The following KCNIP4 variants were observed in gnomAD, a reference collection of about 807,000 sequenced individuals.
The protein encoded by KCNIP4 is Kv channel-interacting protein 4.
A neutral mutation model predicts 34.0 loss-of-function variants in KCNIP4; 12 were observed. The ratio of observed to expected loss-of-function variants is 0.35; its 90% CI spans 0.23 to 0.57. The LOEUF is 0.57. Ranked by LOEUF, KCNIP4 falls within the 20% of genes least tolerant of loss-of-function variation. The probability of loss-of-function intolerance (pLI) is 0.83; values close to 1 mark genes in which losing one functional copy is unlikely to be tolerated. For synonymous variants in KCNIP4, 124 were observed against 102.2 expected (o/e 1.21, Z -1.29); for missense variants, 238 against 311.7 (o/e 0.76, Z 1.78).
rs968845181 is a variant in KCNIP4 at position 21,657,880 on chromosome 4, G to T, written c.61+290691C>A. On this transcript the variant is annotated intron_variant, in intron 1 of 8. Transcript: ENST00000382152. ...TTTTGAGACGGAGTCTCGCTTTGTCGCCAGGCTGCAGTGCAGTGGAACGAT... is the reference window on the plus strand; with the variant it reads ...TTTTGAGACGGAGTCTCGCTTTGTCTCCAGGCTGCAGTGCAGTGGAACGAT... Among the ~76,000 whole-genome samples the T allele has an allele frequency of 3.4e-5, 5 of 148,912 alleles. No individual in the cohort carries two copies. The South Asian group carries it at 8.4e-4, about 25-fold the overall frequency.
intron 1 of KCNIP4, among the ~76,000 whole-genome samples, chr4:21,425,372 A>T (rs1725842986): frequency 6.6e-6 from 1 of 152,114 alleles, no homozygotes; most frequent in Non-Finnish European, 1.5e-5. Context: ...CGATAATAAC[A>T]CTATAGTATT....
intron 1 of KCNIP4, among the ~76,000 whole-genome samples, chr4:21,216,842 G>A (rs1220069622): frequency 1.1e-4 from 17 of 152,132 alleles, no homozygotes; most frequent in Admixed American, 1.1e-3. Flanking sequence ...TCATGAAGAA[G>A]GCTTCATGCA....
chr4:21,599,151 T>C (rs923526492), intron 1 of KCNIP4, among the ~76,000 whole-genome samples: 3 of 152,114 alleles, frequency 2.0e-5, no homozygotes, highest in Non-Finnish European at 4.4e-5. Flanking sequence ...CGGGAAATGT[T>C]CTACTGCCTC....
At chr4:20,802,301 CA>C (rs1235476329) in intron 3 of KCNIP4, among the ~76,000 whole-genome samples, 1 of 110,814 alleles carries the variant, frequency 9.0e-6, no homozygotes, top group African/African-American at 3.2e-5. Context: ...TATATATATG[CA>C]ATATATATAT....
At chr4:21,643,741 T>C (rs1746788912) in intron 1 of KCNIP4, among the ~76,000 whole-genome samples, 1 of 152,124 alleles carries the variant, frequency 6.6e-6, no homozygotes, top group Non-Finnish European at 1.5e-5. Flanking sequence ...AAACTTGAAC[T>C]CTTCCCTGGG....
chr4:21,664,065 C>G (rs1010994810), intron 1 of KCNIP4, among the ~76,000 whole-genome samples: 1 of 152,112 alleles, frequency 6.6e-6, no homozygotes, highest in Non-Finnish European at 1.5e-5. Flanking sequence ...CTTGCCTCAG[C>G]CTCCTGAGTA....
At chr4:21,142,144 C>T (rs1254327992) in intron 1 of KCNIP4, among the ~76,000 whole-genome samples, 1 of 107,894 alleles carries the variant, frequency 9.3e-6, no homozygotes, top group Non-Finnish European at 1.9e-5. Flanking sequence ...GTGCGAGACA[C>T]CGTCTCAAAA....
chr4:20,898,804 T>C (rs1023998470), intron 1 of KCNIP4, among the ~76,000 whole-genome samples: 1 of 152,206 alleles, frequency 6.6e-6, no homozygotes, highest in East Asian at 1.9e-4. Flanking sequence ...TCTATCTATC[T>C]ATGAAACTTT....
chr4:21,105,111 GT>G (rs1319072035), intron 1 of KCNIP4, among the ~76,000 whole-genome samples: 7 of 151,560 alleles, frequency 4.6e-5, no homozygotes, highest in Non-Finnish European at 8.8e-5. Flanking sequence ...CCTTAAAGTA[GT>G]TTTTTTCCAA....
rs531872357 is a variant in KCNIP4 at position 20,810,056 on chromosome 4, G to A, written c.288+40487C>T. 9.2e-5 allele frequency among the ~76,000 whole-genome samples: 14 copies of A among 152,314 alleles called. No individual in the cohort carries two copies. The South Asian group carries it at 2.9e-3, about 32-fold the overall frequency. On this transcript the variant is annotated intron_variant, in intron 3 of 8. Transcript: ENST00000382152. ...CAGCATGACTCACTCAGGCCAAGGT[G>A]AGCACTCTGATGTCTGTGAACGACT...
At position 21,408,403 on chromosome 4, in the gene KCNIP4, G is replaced by T. The variant is rs190473604; in HGVS notation, c.62-525694C>A. 9.2e-4 allele frequency among the ~76,000 whole-genome samples: 140 copies of T among 152,238 alleles called. 1 individual carries two copies. Among genetic ancestry groups the T allele is most frequent in the Non-Finnish European group, 1.5e-3 (103 of 68,014 alleles). Reference sequence around the variant, plus strand: ...GAGCAACGTAAATTATAAAGATTCTGCAAGGAGGCACAGAGGAGAAAGAGA... The same window carrying T: ...GAGCAACGTAAATTATAAAGATTCTTCAAGGAGGCACAGAGGAGAAAGAGA... On this transcript the variant is annotated intron_variant, in intron 1 of 8. Transcript: ENST00000382152.
At chr4:21,875,096 T>C (rs919449810) in intron 1 of KCNIP4, among the ~76,000 whole-genome samples, 6 of 152,244 alleles carry the variant, frequency 3.9e-5, no homozygotes, top group Non-Finnish European at 8.8e-5. Flanking sequence ...TTGTAAGTTA[T>C]ATCTTATTAT....
At chr4:21,882,986 T>A (rs1726547900) in intron 1 of KCNIP4, among the ~76,000 whole-genome samples, 1 of 152,076 alleles carries the variant, frequency 6.6e-6, no homozygotes, top group Admixed American at 6.6e-5. Flanking sequence ...TCCATGTAGT[T>A]ATTTAGAATC....
chr4:21,119,131 C>T (rs1349983648), intron 1 of KCNIP4, among the ~76,000 whole-genome samples: 3 of 151,990 alleles, frequency 2.0e-5, no homozygotes, highest in African/African-American at 7.2e-5. Flanking sequence ...GGGTTGCCTA[C>T]TTTGGAAGTT....
At chr4:20,833,363 T>C (rs1488979260) in intron 3 of KCNIP4, among the ~76,000 whole-genome samples, 11 of 152,120 alleles carry the variant, frequency 7.2e-5, no homozygotes, top group South Asian at 2.1e-4. Context: ...CACATGCCTG[T>C]AGTCCCAGCT....
Position 20,892,377 on chromosome 4 carries a change from CTCTA to C in KCNIP4, c.62-9672_62-9669del, listed in dbSNP as rs1221894086. Among the ~76,000 whole-genome samples the C allele has an allele frequency of 1.3e-4, 20 of 152,268 alleles. 1 individual carries two copies. In the South Asian group the frequency reaches 1.7e-3, roughly 13 times the overall value. On this transcript the variant is annotated intron_variant, in intron 1 of 8. Coordinates refer to ENST00000382152, the MANE Select transcript of KCNIP4 (RefSeq NM_025221.6). The stretch of plus-strand genomic sequence containing the variant: ...CTACTCTCTGTCAGCCTTTCCATCT[CTCTA>C]TCTGTCTTTCTGTCTCTGTCTCACT...
At chr4:20,947,312 A>ACATGCAC (rs1732290187) in intron 1 of KCNIP4, among the ~76,000 whole-genome samples, 1 of 152,022 alleles carries the variant, frequency 6.6e-6, no homozygotes, top group African/African-American at 2.4e-5. Flanking sequence ...GGGATTACAG[A>ACATGCAC]CATGCACCAA....
chr4:20,863,274 G>A (rs1240029396), intron 2 of KCNIP4, among the ~76,000 whole-genome samples: 1 of 151,988 alleles, frequency 6.6e-6, no homozygotes, highest in Non-Finnish European at 1.5e-5. Context: ...GAACCATAGG[G>A]GGCTCATAGT....
intron 1 of KCNIP4, among the ~76,000 whole-genome samples, chr4:21,361,122 ACTTATT>A (rs1719176217): frequency 6.6e-6 from 1 of 152,000 alleles, no homozygotes. Context: ...CTCATTACTG[ACTTATT>A]CTTAGATAAT....
Sources: gnomAD v4.1 joint callset for allele counts (sites outside exome capture counted in the v4.1 genomes callset) on GRCh38, gnomAD v4.1.1 for gene constraint, MANE v1.5 for transcripts, NCBI Gene and HGNC (gene_info 2026-07-23, HGNC 2026-07-21) for gene names.